Variants in DST observed in about 807,000 individuals in gnomAD.
The protein encoded by DST is dystonin.
In DST, 253 loss-of-function variants were observed where a neutral mutation model predicts 875.2. The ratio of observed to expected loss-of-function variants is 0.29; its 90% CI spans 0.26 to 0.32. The LOEUF is 0.32. Ranked by LOEUF, DST falls within the 10% of genes least tolerant of loss-of-function variation. The pLI, the probability that DST is intolerant of heterozygous loss-of-function variation, is 1.00. For missense variants in DST, 8,287 were observed against 9,111.6 expected (o/e 0.91, Z 3.68); for synonymous variants, 3,124 against 3,197.1 (o/e 0.98, Z 0.77).
intron 4 of DST, among the ~76,000 whole-genome samples, chr6:56,770,153 A>T (rs932231207): frequency 4.6e-5 from 7 of 152,232 alleles, no homozygotes; most frequent in African/African-American, 1.7e-4. Flanking sequence ...TAAGACTCCT[A>T]AACAGCAGAT....
At chr6:56,546,389 T>TAA (rs1554326425) in intron 61 of DST, among the ~76,000 whole-genome samples, 29 of 104,262 alleles carry the variant, frequency 2.8e-4, no homozygotes, top group South Asian at 1.2e-3. Context: ...TATATATATA[T>TAA]AAATGTCAAA....
In DST at chr6:56,835,708, C is replaced by T. The variant is rs576256536; in HGVS notation, c.625+15689G>A. Reference sequence around the variant, plus strand: ...CTAGACAAGTAGTAGTATTTCACACCAAAATCAAGAAAATACATCATTACA... The same window carrying T: ...CTAGACAAGTAGTAGTATTTCACACTAAAATCAAGAAAATACATCATTACA... On this transcript the variant is annotated intron_variant, in intron 4 of 103. Coordinates refer to ENST00000680361, the MANE Select transcript of DST (RefSeq NM_001374736.1). Among the ~76,000 whole-genome samples, 5 of 152,230 alleles carry T rather than the reference C, an allele frequency of 3.3e-5. 1 individual carries two copies. The East Asian group carries it at 9.6e-4, about 29-fold the overall frequency.
chr6:56,501,769 T>A lies in DST; in HGVS notation c.19567-76A>T, dbSNP rs2096133817. 3 of 1,129,864 alleles carry A rather than the reference T, an allele frequency of 2.7e-6. No individual in the cohort carries two copies. In the South Asian group the frequency reaches 4.8e-5, roughly 18 times the overall value. The allele number at this position is 1,129,864 out of a possible 1,614,324, so 70.0% of individuals were successfully genotyped here. A position where few individuals can be genotyped will look rare whatever the true frequency, so the allele number is the denominator to read the frequency against. ...CAAACAAAGAAATCTATTGGTTATATCATTATTCTAATTCACACTACTTAC... is the reference window on the plus strand; with the variant it reads ...CAAACAAAGAAATCTATTGGTTATAACATTATTCTAATTCACACTACTTAC... On this transcript the variant is annotated intron_variant, in intron 78 of 103. Coordinates refer to ENST00000680361, the MANE Select transcript of DST (RefSeq NM_001374736.1).
rs1192058188 is a variant in DST, at chr6:56,529,958, G to A, written c.17268+16C>T. On this transcript the variant is annotated intron_variant, in intron 65 of 103. Transcript: ENST00000680361. ...AATAAAAACTGAACCTCGCTAATGT[G>A]TGATTTATATCTTACTTTGTGCTGT... 1.2e-6 allele frequency: 2 copies of A among 1,611,952 alleles called. No homozygotes were observed. The highest frequency in any genetic ancestry group is 1.7e-6 in the Non-Finnish European group (2 of 1,179,186).
intron 2 of DST, among the ~76,000 whole-genome samples, chr6:56,923,199 T>C (rs999802383): frequency 3.9e-5 from 6 of 152,022 alleles, no homozygotes; most frequent in South Asian, 2.1e-4. Context: ...ATTATATCAA[T>C]AGGTACCTCA....
chr6:56,615,432 A>C lies in DST; in HGVS notation c.4930-948T>G. On this transcript the variant is annotated intron_variant, in intron 36 of 103. Coordinates refer to ENST00000680361, the MANE Select transcript of DST (RefSeq NM_001374736.1). Reference sequence around the variant, plus strand: ...GTATGTTACATAATTCACAGACTGCATATGTAGCCGATATCATCATACTCT... The same window carrying C: ...GTATGTTACATAATTCACAGACTGCCTATGTAGCCGATATCATCATACTCT... The C allele has an allele frequency of 3.1e-6, 5 of 1,598,182 alleles. No homozygotes were observed. In the South Asian group the frequency reaches 5.6e-5, roughly 18 times the overall value.
chr6:56,829,619 T>C (rs2099784763), intron 4 of DST, among the ~76,000 whole-genome samples: 1 of 152,218 alleles, frequency 6.6e-6, no homozygotes, highest in African/African-American at 2.4e-5. Flanking sequence ...AAATGAGATG[T>C]ATGCCATAAA....
intron 9 of DST, among the ~76,000 whole-genome samples, chr6:56,679,256 C>A (rs1450792546): frequency 6.6e-6 from 1 of 152,116 alleles, no homozygotes; most frequent in Non-Finnish European, 1.5e-5. Context: ...CACTCCACCA[C>A]CAAACCTTAA....
intron 58 of DST, among the ~76,000 whole-genome samples, chr6:56,559,435 A>T (rs1294892841): frequency 6.6e-6 from 1 of 152,116 alleles, no homozygotes; most frequent in Non-Finnish European, 1.5e-5. Context: ...AAACTAAAAT[A>T]TACTTAGAGA....
chr6:56,636,733 G>T, intron 22 of DST, 81 bp from the exon 23 acceptor site: 2 of 1,115,930 alleles, frequency 1.8e-6, no homozygotes, highest in African/African-American at 1.5e-5. Context: ...GCTTCTAAAT[G>T]CTAACTCTAC....
At chr6:56,889,716 C>T (rs1191721964) in intron 3 of DST, among the ~76,000 whole-genome samples, 1 of 152,134 alleles carries the variant, frequency 6.6e-6, no homozygotes, top group African/African-American at 2.4e-5. Flanking sequence ...ACTGTTATTT[C>T]CCCATACCCA....
At chr6:56,672,687 T>A in intron 9 of DST, among the ~76,000 whole-genome samples, 1 of 152,096 alleles carries the variant, frequency 6.6e-6, no homozygotes, top group East Asian at 1.9e-4. Context: ...ATGATGATGA[T>A]AATTATACCA....
chr6:56,941,539 A>G (rs1816602570), intron 2 of DST, among the ~76,000 whole-genome samples: 1 of 152,162 alleles, frequency 6.6e-6, no homozygotes, highest in Admixed American at 6.5e-5. Context: ...CTGCAGTGCA[A>G]TGGTGCTATC....
chr6:56,536,734 G>A (rs560964488), intron 62 of DST, 45 bp downstream of exon 62: 1 of 1,464,412 alleles, frequency 6.8e-7, no homozygotes, highest in African/African-American at 1.4e-5. Context: ...AAATGCTCAT[G>A]AATAATAATC....
At chr6:56,582,753 AC>A (rs2098041382) in intron 49 of DST, among the ~76,000 whole-genome samples, 1 of 148,128 alleles carries the variant, frequency 6.8e-6, no homozygotes, top group Admixed American at 6.8e-5. Context: ...CCCTACCCCC[AC>A]CCCACAACAG....
chr6:56,570,974 T>C (rs922006571), intron 53 of DST, among the ~76,000 whole-genome samples: 5 of 152,320 alleles, frequency 3.3e-5, no homozygotes, highest in Admixed American at 6.5e-5. Context: ...GTCACGTTTA[T>C]GGATGGATAA....
At chr6:56,481,855 A>C (rs559376574) in intron 90 of DST, among the ~76,000 whole-genome samples, 195 bp downstream of exon 90, 38 of 152,350 alleles carry the variant, frequency 2.5e-4, no homozygotes, top group Middle Eastern at 6.8e-3. Context: ...AGACAGGTAC[A>C]CATACATGTG....
In DST at chr6:56,472,107, C is replaced by G. The variant is rs763706326; in HGVS notation, c.22110G>C (p.Ala7370=). ...VSKWQQVWLL[A]LERRRKLNDA... ...CATTGAGTTTCCTCCTTCTTTCCAA[C>G]GCCAGGAGCCAGACTTGCTGCCATT... The change falls in exon 94 of 104, where the codon GCG becomes GCC. Residue 7370 remains alanine, a synonymous_variant. Coordinates refer to ENST00000680361, the MANE Select transcript of DST (RefSeq NM_001374736.1). 5 of 1,613,950 alleles carry G rather than the reference C, an allele frequency of 3.1e-6. No individual in the cohort carries two copies. In the South Asian group the frequency reaches 5.5e-5, roughly 18 times the overall value.
In DST at chr6:56,473,854, G is replaced by T; in HGVS notation, c.21994+19C>A. On this transcript the variant is annotated intron_variant, in intron 93 of 103. Coordinates refer to ENST00000680361, the MANE Select transcript of DST (RefSeq NM_001374736.1). ...CTCCCTTATTTATTGACATTTTAAA[G>T]AAATTGATCACTGCTTACTTCCTGC... 6.3e-7 allele frequency: 1 copy of T among 1,578,334 alleles called. No individual in the cohort carries two copies. Among genetic ancestry groups the T allele is most frequent in the Non-Finnish European group, 8.6e-7 (1 of 1,164,010 alleles).
Sources: gnomAD v4.1 joint callset for allele counts (sites outside exome capture counted in the v4.1 genomes callset) on GRCh38, gnomAD v4.1.1 for gene constraint, MANE v1.5 for transcripts, NCBI Gene and HGNC (gene_info 2026-07-23, HGNC 2026-07-21) for gene names.